Variants in ASF1A observed in about 807,000 individuals in gnomAD.
The protein encoded by ASF1A is histone chaperone ASF1A.
ASF1A carries 5 observed loss-of-function variants against 22.0 expected under a neutral mutation model. The ratio of observed to expected loss-of-function variants is 0.23; its 90% CI spans 0.12 to 0.48. The LOEUF (loss-of-function observed/expected upper bound fraction) is 0.48, where lower values mean the gene tolerates loss of function less well. ASF1A is among the 20% of genes least tolerant of loss of function. The pLI is 0.99. For missense variants in ASF1A, 137 were observed against 240.6 expected, an observed-to-expected ratio of 0.57 and a Z score of 2.85; for synonymous variants, 97 against 86.7, an observed-to-expected ratio of 1.12 and a Z score of -0.66.
At chr6:118,895,803 T>C (rs1016915312) in intron 1 of ASF1A, among the ~76,000 whole-genome samples, 3 of 152,166 alleles carry the variant, frequency 2.0e-5, no homozygotes, top group East Asian at 1.9e-4. Context: ...AAAAAATGCA[T>C]TGAAGATGAT....
intron 2 of ASF1A, among the ~76,000 whole-genome samples, chr6:118,904,985 C>G (rs9481868): frequency 0.077 from 11,638 of 152,086 alleles, 687 homozygotes; most frequent in East Asian, 0.19. Context: ...CTACAGGCAC[C>G]CGCCACCATG....
intron 3 of ASF1A, 27 bp from the exon 4 acceptor site, chr6:118,907,375 C>T: frequency 6.7e-7 from 1 of 1,492,494 alleles, no homozygotes; most frequent in Non-Finnish European, 9.2e-7. Context: ...TAGTGTTTAC[C>T]ATTTGTATGT....
In ASF1A at chr6:118,897,046, C is replaced by T. The variant is rs150708572; in HGVS notation, c.109+2524C>T. On this transcript the variant is annotated intron_variant, in intron 1 of 3. Transcript: ENST00000229595. The stretch of plus-strand genomic sequence containing the variant: ...TAGAGACGGAGTTTTGCCATGTTGC[C>T]CAAGCTGGTCTCGAACCCCTGGGCT... Among the ~76,000 whole-genome samples the T allele has an allele frequency of 5.3e-4, 80 of 152,104 alleles. 1 individual carries two copies. The East Asian group carries it at 0.011, about 21-fold the overall frequency.
At chr6:118,903,907 G>A (rs866867009) in intron 2 of ASF1A, among the ~76,000 whole-genome samples, 7 of 152,268 alleles carry the variant, frequency 4.6e-5, no homozygotes, top group African/African-American at 1.2e-4. Context: ...TTATCACCAC[G>A]TTTTAAAGAA....
intron 2 of ASF1A, among the ~76,000 whole-genome samples, chr6:118,902,666 A>G (rs1365407039): frequency 6.6e-6 from 1 of 152,118 alleles, no homozygotes; most frequent in Non-Finnish European, 1.5e-5. Flanking sequence ...AGCAAAAAAA[A>G]TGTATTCAAA....
chr6:118,897,972 G>A (rs1398714209), intron 1 of ASF1A, among the ~76,000 whole-genome samples: 2 of 152,200 alleles, frequency 1.3e-5, no homozygotes, highest in Non-Finnish European at 2.9e-5. Flanking sequence ...GTTAAGGCTA[G>A]ATTCTCTCTC....
chr6:118,895,216 G>C (rs1779299478), intron 1 of ASF1A, among the ~76,000 whole-genome samples: 1 of 151,950 alleles, frequency 6.6e-6, no homozygotes, highest in African/African-American at 2.4e-5. Context: ...CTGGGCGCCG[G>C]CGCTCCCCGG....
chr6:118,907,067 T>TC (rs757908454), intron 3 of ASF1A, among the ~76,000 whole-genome samples: 38 of 152,204 alleles, frequency 2.5e-4, no homozygotes, highest in Non-Finnish European at 4.6e-4. Flanking sequence ...AGTAGCTTGT[T>TC]AAATAAAGCA....
chr6:118,894,359 A>T lies in ASF1A; in HGVS notation c.-55A>T, dbSNP rs1005136589. 6.5e-7 allele frequency: 1 copy of T among 1,533,150 alleles called. No individual in the cohort carries two copies. Among genetic ancestry groups the T allele is most frequent in the Non-Finnish European group, 8.7e-7 (1 of 1,144,672 alleles). 95.0% of individuals were successfully genotyped at this position (1,533,150 alleles called of 1,614,324 possible). A position where few individuals can be genotyped will look rare whatever the true frequency, so the allele number is the denominator to read the frequency against. On this transcript the variant is annotated 5_prime_UTR_variant, in exon 1 of 4. Coordinates refer to ENST00000229595, the MANE Select transcript of ASF1A (RefSeq NM_014034.3). ...GCTCTCCCGAGCGGCCGCGCGCTGG[A>T]CTTTATTGTGCCGCAACCAGCCCCA...
chr6:118,908,198 A>G lies in ASF1A; in HGVS notation c.*584A>G, dbSNP rs1780303065. On this transcript the variant is annotated 3_prime_UTR_variant, in exon 4 of 4. Transcript: ENST00000229595. Reference sequence around the variant, plus strand: ...TATAGTTCATGAGATGTTGGACAGCATTTGGTTTGTTTGGTAAGAGAAGAA... The same window carrying G: ...TATAGTTCATGAGATGTTGGACAGCGTTTGGTTTGTTTGGTAAGAGAAGAA... 1 of 152,182 alleles carries G rather than the reference A, an allele frequency of 6.6e-6. No homozygotes were observed. Among genetic ancestry groups the G allele is most frequent in the Non-Finnish European group, 1.5e-5 (1 of 68,032 alleles). 9.4% of individuals were successfully genotyped at this position (152,182 alleles called of 1,614,324 possible). A position where few individuals can be genotyped will look rare whatever the true frequency, so the allele number is the denominator to read the frequency against.
chr6:118,904,398 T>C (rs1423679785), intron 2 of ASF1A, among the ~76,000 whole-genome samples: 1 of 152,200 alleles, frequency 6.6e-6, no homozygotes, highest in Non-Finnish European at 1.5e-5. Context: ...AAAGTGCTCA[T>C]CTAGGCCCAG....
chr6:118,903,575 A>C lies in ASF1A; in HGVS notation c.226-2077A>C, dbSNP rs115865004. On this transcript the variant is annotated intron_variant, in intron 2 of 3. Coordinates refer to ENST00000229595, the MANE Select transcript of ASF1A (RefSeq NM_014034.3). The stretch of plus-strand genomic sequence containing the variant: ...TAGATAATTTGTGACAAGAAATATC[A>C]GCACATAAAAAAGGAATCTATTGAT... Among the ~76,000 whole-genome samples the C allele has an allele frequency of 1.8e-3, 277 of 152,366 alleles. 1 individual carries two copies. The highest frequency in any genetic ancestry group is 0.01 in the South Asian group (50 of 4,820).
intron 1 of ASF1A, among the ~76,000 whole-genome samples, chr6:118,896,101 T>G (rs562594252): frequency 3.3e-4 from 50 of 151,344 alleles, no homozygotes; most frequent in Non-Finnish European, 6.5e-4. Flanking sequence ...ATAGGGCAAA[T>G]TTTGAAAGAT....
At chr6:118,902,554 A>C (rs984553464) in intron 2 of ASF1A, among the ~76,000 whole-genome samples, 1 of 123,238 alleles carries the variant, frequency 8.1e-6, no homozygotes, top group African/African-American at 3.1e-5. Context: ...TTTGGCTACT[A>C]TAAGAACTTA....
At chr6:118,902,668 G>A (rs1779885358) in intron 2 of ASF1A, among the ~76,000 whole-genome samples, 1 of 151,640 alleles carries the variant, frequency 6.6e-6, no homozygotes, top group African/African-American at 2.4e-5. Flanking sequence ...CAAAAAAAAT[G>A]TATTCAAAAG....
At position 118,900,932 on chromosome 6, in the gene ASF1A, T is replaced by C. The variant is rs878895337; in HGVS notation, c.225+51T>C. The C allele has an allele frequency of 5.1e-5, 63 of 1,230,156 alleles. No individual in the cohort carries two copies. The East Asian group carries it at 7.9e-4, about 15-fold the overall frequency. The allele number at this position is 1,230,156 out of a possible 1,614,324, so 76.2% of individuals were successfully genotyped here. On this transcript the variant is annotated intron_variant, in intron 2 of 3. Transcript: ENST00000229595. ...ATGCCAAATATGTTTCGAAGTAGAC[T>C]ATATTATCTATTATCTTATAACCCT...
In ASF1A at chr6:118,908,282, GT is replaced by G. The variant is rs1195700085; in HGVS notation, c.*671del. On this transcript the variant is annotated 3_prime_UTR_variant, in exon 4 of 4. Coordinates refer to ENST00000229595, the MANE Select transcript of ASF1A (RefSeq NM_014034.3). The stretch of plus-strand genomic sequence containing the variant: ...CTATGGTTTTTGTTCTTATAACAGA[GT>G]TTAGAATATCAGAGCATTTCTTGAA... 4 of 152,060 alleles carry G rather than the reference GT, an allele frequency of 2.6e-5. No homozygotes were observed. Among genetic ancestry groups the G allele is most frequent in the Admixed American group, 2.6e-4 (4 of 15,270 alleles). 9.4% of individuals were successfully genotyped at this position (152,060 alleles called of 1,614,324 possible).
intron 2 of ASF1A, among the ~76,000 whole-genome samples, chr6:118,901,943 GCCATCTCTAGAGCTGCTA>G (rs1388195263): frequency 6.6e-6 from 1 of 152,112 alleles, no homozygotes; most frequent in African/African-American, 2.4e-5. Context: ...TTAGACACAT[GCCATCTCTAGAGCTGCTA>G]CCTTTCCCTC....
chr6:118,894,625 CG>C, intron 1 of ASF1A, 103 bp downstream of exon 1: 1 of 1,015,296 alleles, frequency 9.8e-7, no homozygotes, highest in Non-Finnish European at 1.5e-6. Flanking sequence ...CGGCGCCTGG[CG>C]GCCGCGGGCT....
Sources: gnomAD v4.1 joint callset for allele counts (sites outside exome capture counted in the v4.1 genomes callset) on GRCh38, gnomAD v4.1.1 for gene constraint, MANE v1.5 for transcripts, NCBI Gene and HGNC (gene_info 2026-07-23, HGNC 2026-07-21) for gene names.